The following ATP2B4 variants were observed in gnomAD, a reference collection of about 807,000 sequenced individuals.
ATP2B4 encodes the protein plasma membrane calcium-transporting ATPase 4.
A neutral mutation model predicts 110.3 loss-of-function variants in ATP2B4; 39 were observed. That is an observed-to-expected ratio of 0.35 (90% confidence interval 0.27 to 0.46). The LOEUF is 0.46. Among genes scored for constraint, ATP2B4 ranks in the 20% least tolerant of loss-of-function variants. ATP2B4 has a pLI of 1.00. For missense variants in ATP2B4, 1,135 were observed against 1,530.9 expected (o/e 0.74, Z 4.32); for synonymous variants, 538 against 571.7 (o/e 0.94, Z 0.84).
At chr1:203,697,533 T>C (rs1665567859) in intron 2 of ATP2B4, among the ~76,000 whole-genome samples, 1 of 152,226 alleles carries the variant, frequency 6.6e-6, no homozygotes, top group Admixed American at 6.5e-5. Flanking sequence ...TAAGAATTTA[T>C]CCAGCTTATA....
At chr1:203,707,323 A>G in intron 9 of ATP2B4, 100 bp downstream of exon 9, 1 of 1,237,860 alleles carries the variant, frequency 8.1e-7, no homozygotes. Flanking sequence ...TATCATCTAT[A>G]AACTTTGGCT....
rs138375466 is a variant in ATP2B4, at chr1:203,738,182, G to GA, written c.3310-1363dup. The stretch of plus-strand genomic sequence containing the variant: ...TTCTTTTCTGAGTGAAGATTTTTTG[G>GA]ACAAGACTAGGATCAGCCACCTTCC... On this transcript the variant is annotated intron_variant, in intron 20 of 20. Transcript: ENST00000357681. Among the ~76,000 whole-genome samples, 1,367 of 151,552 alleles carry GA rather than the reference G, an allele frequency of 9.0e-3. 20 individuals are homozygous for GA. The highest frequency in any genetic ancestry group is 0.032 in the African/African-American group (1,312 of 41,268).
intron 14 of ATP2B4, 142 bp downstream of exon 14, chr1:203,713,394 C>G (rs759658873): frequency 3.9e-6 from 3 of 764,470 alleles, no homozygotes; most frequent in Admixed American, 5.1e-5. Flanking sequence ...GGAGAACATA[C>G]AGTTAGCAAA....
intron 19 of ATP2B4, among the ~76,000 whole-genome samples, chr1:203,726,508 T>TCTGTTCTG (rs1666524811): frequency 6.6e-6 from 1 of 152,114 alleles, no homozygotes; most frequent in African/African-American, 2.4e-5. Flanking sequence ...TGTTTGAAAC[T>TCTGTTCTG]CTGTTCTGGC....
At chr1:203,657,649 GAGCCTCTCGTTCATA>G in intron 1 of ATP2B4, 1 of 837,632 alleles carries the variant, frequency 1.2e-6, no homozygotes, top group Non-Finnish European at 2.1e-6. Context: ...GAACGTTCAT[GAGCCTCTCGTTCATA>G]AGCCTCTCAG....
At chr1:203,733,013 A>G (rs1666775867) in intron 20 of ATP2B4, among the ~76,000 whole-genome samples, 1 of 152,164 alleles carries the variant, frequency 6.6e-6, no homozygotes, top group African/African-American at 2.4e-5. Context: ...TTGTTCCCTA[A>G]GTGAAGTATG....
At chr1:203,650,683 C>T (rs1014616781) in intron 1 of ATP2B4, among the ~76,000 whole-genome samples, 5 of 152,292 alleles carry the variant, frequency 3.3e-5, no homozygotes, top group Non-Finnish European at 5.9e-5. Flanking sequence ...CTAGGGCGAG[C>T]GAGGCTGCCA....
chr1:203,700,006 T>C (rs1177095871), intron 4 of ATP2B4, among the ~76,000 whole-genome samples, 200 bp from the exon 5 acceptor site: 1 of 152,152 alleles, frequency 6.6e-6, no homozygotes, highest in Non-Finnish European at 1.5e-5. Context: ...TTTGAATTTA[T>C]AATGCCTGGA....
At chr1:203,690,173 G>A (rs576731594) in intron 2 of ATP2B4, among the ~76,000 whole-genome samples, 40 of 152,244 alleles carry the variant, frequency 2.6e-4, no homozygotes, top group Admixed American at 2.6e-3. Context: ...GATCTCTGGG[G>A]CTTAACTGTG....
rs139030006 is a variant in ATP2B4 at position 203,672,231 on chromosome 1, C to T, written c.-464-10511C>T. On this transcript the variant is annotated intron_variant, in intron 1 of 20. Coordinates refer to ENST00000357681, the MANE Select transcript of ATP2B4 (RefSeq NM_001684.5). ...TCCCTTTTGGAAAGGAGCTCACCCA[C>T]ACTCCTTGCTTCCATCTTCCCCTTC... Among the ~76,000 whole-genome samples the T allele has an allele frequency of 5.9e-5, 9 of 152,060 alleles. No homozygotes were observed. In the East Asian group the frequency reaches 1.5e-3, roughly 26 times the overall value.
In ATP2B4 at chr1:203,734,730, C is replaced by A. The variant is rs190284689; in HGVS notation, c.3310-4816C>A. On this transcript the variant is annotated intron_variant, in intron 20 of 20. Coordinates refer to ENST00000357681, the MANE Select transcript of ATP2B4 (RefSeq NM_001684.5). ...CAAAAAAAAAAAAAAAAAGGCCAGG[C>A]ACAGTGGTTCACGCCTATAATCCCA... Among the ~76,000 whole-genome samples the A allele has an allele frequency of 4.0e-3, 592 of 146,852 alleles. 9 individuals carry two copies. The highest frequency in any genetic ancestry group is 0.014 in the African/African-American group (565 of 39,602).
At chr1:203,691,423 G>GT (rs2102373761) in intron 2 of ATP2B4, among the ~76,000 whole-genome samples, 1 of 152,334 alleles carries the variant, frequency 6.6e-6, no homozygotes, top group African/African-American at 2.4e-5. Context: ...CATTCATGAA[G>GT]TACAGAAGGT....
intron 1 of ATP2B4, among the ~76,000 whole-genome samples, chr1:203,655,673 TAAG>T (rs1664139148): frequency 1.3e-5 from 2 of 151,310 alleles, no homozygotes; most frequent in South Asian, 2.1e-4. Context: ...ATAAATAAAA[TAAG>T]AAACAAAAGG....
At chr1:203,717,541 G>A (rs569022030) in intron 15 of ATP2B4, among the ~76,000 whole-genome samples, 1 of 151,620 alleles carries the variant, frequency 6.6e-6, no homozygotes. Context: ...TTTATTCTTG[G>A]TTTTTTCGTT....
chr1:203,721,230 G>C lies in ATP2B4; in HGVS notation c.2632G>C (p.Val878Leu). The C allele has an allele frequency of 1.9e-6, 3 of 1,614,208 alleles. No homozygotes were observed. Among genetic ancestry groups the C allele is most frequent in the Non-Finnish European group, 1.7e-6 (2 of 1,180,040 alleles). The change falls in exon 17 of 21, where the codon GTT becomes CTT. Residue 878 changes from valine (V) to leucine (L), a missense_variant. Around this residue, in one of 9 missense-constraint regions of ATP2B4, gnomAD observed 70 missense variants for 142.4 expected, o/e 0.49. Transcript: ENST00000357681. ...ATTGAAAGCTGTGCAGATGTTGTGG[G>C]TTAATCTGATCATGGACACTTTTGC... Reference protein sequence around the residue: ...SPLKAVQMLWVNLIMDTFASL... With the variant: ...SPLKAVQMLWLNLIMDTFASL...
intron 4 of ATP2B4, among the ~76,000 whole-genome samples, chr1:203,699,927 CCCTGTG>C (rs1665641682): frequency 6.6e-6 from 1 of 152,150 alleles, no homozygotes; most frequent in Non-Finnish European, 1.5e-5. Context: ...CAGACTTGTA[CCCTGTG>C]TGTCTTAGGG....
rs764106247 is a variant in ATP2B4, at chr1:203,698,180, C to A, written c.217C>A (p.Leu73Met). The stretch of plus-strand genomic sequence containing the variant: ...AGGTCTGTCTGGGAACCCTGCAGAT[C>A]TGGAGAAACGTAGGCAGGTGTTTGG... ...VEGLSGNPADLEKRRQVFGHN... is the reference protein window; with the variant it reads ...VEGLSGNPADMEKRRQVFGHN... Residue 73 changes from leucine (L) to methionine (M), a missense_variant, in exon 3 of 21, where the codon CTG (leucine) becomes ATG (methionine). By Grantham distance (15) the Leu-to-Met change is conservative (BLOSUM62 2). Transcript: ENST00000357681. 1.9e-6 allele frequency: 3 copies of A among 1,614,182 alleles called. No homozygotes were observed. The highest frequency in any genetic ancestry group is 1.7e-5 in the Admixed American group (1 of 60,028).
intron 13 of ATP2B4, 72 bp from the exon 14 acceptor site, chr1:203,713,093 A>G (rs1666059380): frequency 5.3e-6 from 8 of 1,498,780 alleles, no homozygotes; most frequent in South Asian, 1.1e-5. Flanking sequence ...CTCCAAGTGT[A>G]TGGAGAAGTT....
At chr1:203,733,322 TC>T in intron 20 of ATP2B4, 1 of 1,614,166 alleles carries the variant, frequency 6.2e-7, no homozygotes, top group Non-Finnish European at 8.5e-7. Context: ...TGTTCCTAGT[TC>T]ATCCTATGTA....
Sources: gnomAD v4.1 joint callset for allele counts (sites outside exome capture counted in the v4.1 genomes callset) on GRCh38, gnomAD v4.1.1 for gene constraint, gnomAD v4.1.1 regional missense constraint, MANE v1.5 for transcripts, NCBI Gene and HGNC (gene_info 2026-07-23, HGNC 2026-07-21) for gene names.